ATP6V1A: variants seen among roughly 807,000 people sequenced by gnomAD.
ATP6V1A encodes ATPase H+ transporting V1 subunit A, also known as V-type proton ATPase catalytic subunit A.
A neutral mutation model predicts 70.1 loss-of-function variants in ATP6V1A; 18 were observed. The ratio of observed to expected loss-of-function variants is 0.26; its 90% CI spans 0.18 to 0.38. The LOEUF (loss-of-function observed/expected upper bound fraction) is 0.38. ATP6V1A is among the 10% of genes least tolerant of loss of function. The pLI, the probability that ATP6V1A is intolerant of heterozygous loss-of-function variation, is 1.00. For synonymous variants in ATP6V1A, 232 were observed against 253.8 expected (o/e 0.91, Z 0.82); for missense variants, 424 against 772.4 (o/e 0.55, Z 5.35).
At chr3:113,804,868 C>T (rs1464847522) in intron 13 of ATP6V1A, among the ~76,000 whole-genome samples, 1 of 152,104 alleles carries the variant, frequency 6.6e-6, no homozygotes, top group African/African-American at 2.4e-5. Context: ...AAAACAAACA[C>T]ATTAAGAAAA....
chr3:113,796,646 TAAA>T (rs34033124), intron 11 of ATP6V1A, among the ~76,000 whole-genome samples: 3 of 146,250 alleles, frequency 2.1e-5, no homozygotes, highest in Non-Finnish European at 4.5e-5. Context: ...GAGCTATAGT[TAAA>T]AAAAAAAAGT....
intron 1 of ATP6V1A, among the ~76,000 whole-genome samples, chr3:113,764,605 C>T (rs573875756): frequency 1.3e-5 from 2 of 152,098 alleles, no homozygotes; most frequent in Non-Finnish European, 2.9e-5. Context: ...TGGCTGTCTT[C>T]TTGGCTGTTT....
chr3:113,789,675 A>G, intron 7 of ATP6V1A, 57 bp from the exon 8 acceptor site: 1 of 1,297,224 alleles, frequency 7.7e-7, no homozygotes, highest in South Asian at 1.3e-5. Flanking sequence ...AAAAATAGGG[A>G]GGGCTAAAAT....
chr3:113,768,592 C>CTTTT (rs34915547), intron 1 of ATP6V1A, among the ~76,000 whole-genome samples: 1 of 103,388 alleles, frequency 9.7e-6, no homozygotes, highest in Non-Finnish European at 1.9e-5. Flanking sequence ...TAGCCTGTAT[C>CTTTT]TTTTTTTTTT....
intron 1 of ATP6V1A, among the ~76,000 whole-genome samples, chr3:113,776,354 C>T (rs750584427): frequency 3.3e-5 from 5 of 152,002 alleles, no homozygotes; most frequent in Non-Finnish European, 7.4e-5. Flanking sequence ...TGCGTGACAG[C>T]GAGAACTTGT....
At chr3:113,778,476 G>A (rs1708941112) in intron 1 of ATP6V1A, among the ~76,000 whole-genome samples, 1 of 152,144 alleles carries the variant, frequency 6.6e-6, no homozygotes, top group Admixed American at 6.6e-5. Context: ...GGGAGGCTGA[G>A]GCAGGAGGAT....
chr3:113,774,638 AC>A (rs1708887166), intron 1 of ATP6V1A, among the ~76,000 whole-genome samples: 1 of 151,978 alleles, frequency 6.6e-6, no homozygotes, highest in Non-Finnish European at 1.5e-5. Flanking sequence ...ACATGGTGAA[AC>A]CCTATCTCTA....
At chr3:113,779,960 C>A (rs971985135) in intron 2 of ATP6V1A, among the ~76,000 whole-genome samples, 3 of 152,050 alleles carry the variant, frequency 2.0e-5, no homozygotes, top group Non-Finnish European at 4.4e-5. Flanking sequence ...ACCTATCAAC[C>A]TGTTACCTAG....
intron 1 of ATP6V1A, among the ~76,000 whole-genome samples, chr3:113,778,357 G>A (rs1003317906): frequency 1.3e-5 from 2 of 152,084 alleles, no homozygotes; most frequent in Non-Finnish European, 2.9e-5. Flanking sequence ...TCCTTCCACT[G>A]CACTCCAGCC....
chr3:113,756,695 T>C (rs1708650192), intron 1 of ATP6V1A, among the ~76,000 whole-genome samples: 1 of 152,242 alleles, frequency 6.6e-6, no homozygotes. Context: ...TAATGTGATT[T>C]ATACATTGAA....
At chr3:113,754,884 G>GAAT (rs1332337394) in intron 1 of ATP6V1A, among the ~76,000 whole-genome samples, 2 of 152,188 alleles carry the variant, frequency 1.3e-5, no homozygotes, top group Non-Finnish European at 2.9e-5. Context: ...TATCTCCGTA[G>GAAT]AATACATCAT....
intron 5 of ATP6V1A, 149 bp from the exon 6 acceptor site, chr3:113,786,083 A>G (rs1228107029): frequency 2.0e-6 from 1 of 490,022 alleles, no homozygotes; most frequent in Non-Finnish European, 3.1e-6. Flanking sequence ...CTAAGACTAT[A>G]TATAATTAAT....
At chr3:113,778,526 CTG>C (rs955371633) in intron 1 of ATP6V1A, among the ~76,000 whole-genome samples, 26 of 152,060 alleles carry the variant, frequency 1.7e-4, no homozygotes, top group African/African-American at 5.5e-4. Context: ...TGAGCTATGA[CTG>C]TACCACCACA....
intron 12 of ATP6V1A, among the ~76,000 whole-genome samples, chr3:113,801,524 C>G (rs1709211954): frequency 1.3e-5 from 2 of 152,222 alleles, no homozygotes; most frequent in Non-Finnish European, 2.9e-5. Flanking sequence ...GACTTGTTTA[C>G]ATACCCTGGA....
chr3:113,748,755 C>T (rs1302713808), intron 1 of ATP6V1A, among the ~76,000 whole-genome samples: 1 of 152,176 alleles, frequency 6.6e-6, no homozygotes, highest in Admixed American at 6.5e-5. Context: ...ATGAAGATTA[C>T]TACTATCTCT....
At chr3:113,752,227 A>G (rs901680712) in intron 1 of ATP6V1A, among the ~76,000 whole-genome samples, 4 of 151,966 alleles carry the variant, frequency 2.6e-5, no homozygotes, top group Admixed American at 6.5e-5. Flanking sequence ...TGCTTGAGCA[A>G]TGAAAAGCAA....
intron 1 of ATP6V1A, among the ~76,000 whole-genome samples, chr3:113,750,121 G>A (rs541147800): frequency 1.2e-4 from 19 of 152,274 alleles, no homozygotes; most frequent in African/African-American, 2.2e-4. Context: ...GTCCTTTTAC[G>A]TAATGCTGGG....
chr3:113,751,937 T>C (rs951754923), intron 1 of ATP6V1A, among the ~76,000 whole-genome samples: 5 of 151,902 alleles, frequency 3.3e-5, no homozygotes, highest in African/African-American at 7.2e-5. Flanking sequence ...AAATTAATGG[T>C]ATATCATAAG....
rs372351062 is a variant in ATP6V1A, at chr3:113,805,544, G to A, written c.1761+19G>A. On this transcript the variant is annotated intron_variant, in intron 14 of 14. Coordinates refer to ENST00000273398, the MANE Select transcript of ATP6V1A (RefSeq NM_001690.4). ...ATTCAAGGTATATTTTGTTTCTGCTGTAACTTTTTTTATTTGGAAATGCTT... is the reference window on the plus strand; with the variant it reads ...ATTCAAGGTATATTTTGTTTCTGCTATAACTTTTTTTATTTGGAAATGCTT... 3.8e-6 allele frequency: 6 copies of A among 1,578,120 alleles called. No individual in the cohort carries two copies. The African/African-American group carries it at 8.2e-5, about 22-fold the overall frequency.
Sources: allele counts gnomAD v4.1 joint callset (sites outside exome capture counted in the v4.1 genomes callset), GRCh38; gene constraint gnomAD v4.1.1; transcripts MANE v1.5; gene names NCBI Gene and HGNC (gene_info 2026-07-23, HGNC 2026-07-21).